Variants in RGS6 observed in about 807,000 individuals in gnomAD.
The protein encoded by RGS6 is regulator of G-protein signaling 6.
Under a neutral mutation model 78.5 loss-of-function variants are expected in RGS6, and 30 were observed. The observed-to-expected ratio is 0.38, with a 90% CI of 0.29 to 0.52. The LOEUF (loss-of-function observed/expected upper bound fraction) is 0.52. RGS6 is among the 20% of genes least tolerant of loss of function. The probability of loss-of-function intolerance (pLI) is 0.85; values close to 1 mark genes in which losing one functional copy is unlikely to be tolerated. For missense variants in RGS6, 495 were observed against 609.7 expected (o/e 0.81, Z 1.98); for synonymous variants, 206 against 206.0 (o/e 1.00, Z 0.00).
intron 7 of RGS6, among the ~76,000 whole-genome samples, chr14:72,466,502 A>G (rs1309098529): frequency 6.6e-6 from 1 of 152,210 alleles, no homozygotes; most frequent in African/African-American, 2.4e-5. Flanking sequence ...TTAACAGTTG[A>G]ATGGTTAAAC....
At chr14:72,028,915 A>G (rs1191840563) in intron 2 of RGS6, among the ~76,000 whole-genome samples, 1 of 152,202 alleles carries the variant, frequency 6.6e-6, no homozygotes, top group East Asian at 1.9e-4. Context: ...GAAATATGAC[A>G]TAAATATTTG....
At chr14:72,444,882 C>CCACCTGTTCA (rs1190162599) in intron 3 of RGS6, among the ~76,000 whole-genome samples, 5 of 152,104 alleles carry the variant, frequency 3.3e-5, no homozygotes, top group Admixed American at 1.3e-4. Context: ...TGTTCAAGAC[C>CCACCTGTTCA]ACGTCAGAAT....
the RGS6 span, among the ~76,000 whole-genome samples, chr14:72,577,746 A>C: frequency 6.6e-6 from 1 of 152,194 alleles, no homozygotes; most frequent in Non-Finnish European, 1.5e-5. Flanking sequence ...CAGCCCTCAC[A>C]GGAGAAAGCC....
chr14:72,182,674 A>AT (rs1248388833), intron 2 of RGS6, among the ~76,000 whole-genome samples: 1 of 152,220 alleles, frequency 6.6e-6, no homozygotes, highest in African/African-American at 2.4e-5. Context: ...TGAAAATATG[A>AT]TGTTTTTAAA....
intron 2 of RGS6, among the ~76,000 whole-genome samples, chr14:72,100,615 T>C (rs536213238): frequency 9.2e-5 from 14 of 152,334 alleles, no homozygotes; most frequent in Non-Finnish European, 1.8e-4. Context: ...CAGTTGAAGA[T>C]GTCACAAGAT....
At chr14:71,930,773 A>G (rs1220026613), upstream of RGS6, among the ~76,000 whole-genome samples, 1 of 151,928 alleles carries the variant, frequency 6.6e-6, no homozygotes, top group Non-Finnish European at 1.5e-5. Context: ...ATCTGAGGTC[A>G]GGAATTTGAG....
At chr14:72,088,125 T>G (rs1463496953) in intron 2 of RGS6, among the ~76,000 whole-genome samples, 2 of 152,212 alleles carry the variant, frequency 1.3e-5, no homozygotes, top group Admixed American at 1.3e-4. Context: ...CTTAGTCTTT[T>G]AAAATACATG....
At chr14:71,938,273 C>T (rs1337381561) in intron 1 of RGS6, among the ~76,000 whole-genome samples, 1 of 152,248 alleles carries the variant, frequency 6.6e-6, no homozygotes, top group Non-Finnish European at 1.5e-5. Context: ...TCTTCCAAGT[C>T]CCTGACCATC....
At chr14:72,327,407 T>TC (rs2074046057) in intron 2 of RGS6, among the ~76,000 whole-genome samples, 1 of 152,176 alleles carries the variant, frequency 6.6e-6, no homozygotes, top group South Asian at 2.1e-4. Context: ...TCCGCTTCTT[T>TC]CCCCCCAGAA....
chr14:71,878,738 A>T, the RGS6 span, among the ~76,000 whole-genome samples: 2 of 152,196 alleles, frequency 1.3e-5, no homozygotes, highest in Non-Finnish European at 2.9e-5. Context: ...TTGGTACCTC[A>T]GTTGGAAATG....
At chr14:72,045,231 T>G (rs895693406) in intron 2 of RGS6, among the ~76,000 whole-genome samples, 1 of 152,266 alleles carries the variant, frequency 6.6e-6, no homozygotes, top group African/African-American at 2.4e-5. Flanking sequence ...TCCTATCCGA[T>G]AAGTCCAGTA....
chr14:72,177,161 TG>T (rs1378031211), intron 2 of RGS6, among the ~76,000 whole-genome samples: 1 of 152,220 alleles, frequency 6.6e-6, no homozygotes, highest in African/African-American at 2.4e-5. Flanking sequence ...TTCTAATTTT[TG>T]TTTTTTTCAA....
At chr14:72,439,294 C>T (rs1716027604) in intron 3 of RGS6, among the ~76,000 whole-genome samples, 2 of 152,166 alleles carry the variant, frequency 1.3e-5, no homozygotes, top group African/African-American at 2.4e-5. Context: ...AGTAGGAGCT[C>T]GATAAATGCT....
intron 2 of RGS6, among the ~76,000 whole-genome samples, chr14:72,182,950 G>A (rs886146871): frequency 7.9e-5 from 12 of 152,134 alleles, no homozygotes; most frequent in Non-Finnish European, 1.5e-4. Flanking sequence ...AAAGAATGAT[G>A]TAGTTTGAGT....
chr14:72,299,896 A>G (rs2152396097), intron 2 of RGS6, among the ~76,000 whole-genome samples: 1 of 152,156 alleles, frequency 6.6e-6, no homozygotes, highest in East Asian at 1.9e-4. Context: ...TTTTTTCTTA[A>G]TGAGTCTAAA....
chr14:72,154,714 C>T (rs932813486), intron 2 of RGS6, among the ~76,000 whole-genome samples: 1 of 152,244 alleles, frequency 6.6e-6, no homozygotes, highest in East Asian at 1.9e-4. Context: ...AAATGATACT[C>T]AGTGTTCCTT....
At chr14:72,629,310 C>T in the RGS6 span, among the ~76,000 whole-genome samples, 1 of 152,182 alleles carries the variant, frequency 6.6e-6, no homozygotes, top group Admixed American at 6.5e-5. Flanking sequence ...ATTCTCTCTG[C>T]CTTTGTATAT....
chr14:72,372,086 T>C (rs1325116480), intron 3 of RGS6, among the ~76,000 whole-genome samples: 1 of 152,236 alleles, frequency 6.6e-6, no homozygotes, highest in East Asian at 1.9e-4. Context: ...CCTTGTGCAG[T>C]TGAATTTGTT....
the RGS6 span, chr14:72,619,444 G>A: frequency 6.9e-7 from 1 of 1,458,490 alleles, no homozygotes; most frequent in Non-Finnish European, 9.2e-7. Context: ...CTAACTTCTT[G>A]TAAATCCTGT....
Sources: allele counts gnomAD v4.1 joint callset (sites outside exome capture counted in the v4.1 genomes callset), GRCh38; gene constraint gnomAD v4.1.1; transcripts MANE v1.5; gene names NCBI Gene and HGNC (gene_info 2026-07-23, HGNC 2026-07-21).